The following RTN4RL1 variants were observed in gnomAD, a reference collection of about 807,000 sequenced individuals.
The protein encoded by RTN4RL1 is reticulon-4 receptor-like 1.
In RTN4RL1, 7 loss-of-function variants were observed where a neutral mutation model predicts 25.6. That is an observed-to-expected ratio of 0.27 (90% CI 0.16 to 0.51). The LOEUF (loss-of-function observed/expected upper bound fraction) is 0.51. Among genes scored for constraint, RTN4RL1 ranks in the 20% least tolerant of loss-of-function variants. The pLI, the probability that RTN4RL1 is intolerant of heterozygous loss-of-function variation, is 0.97. For missense variants in RTN4RL1, 500 were observed against 615.6 expected, an observed-to-expected ratio of 0.81 and a Z score of 1.99; for synonymous variants, 297 against 288.2, an observed-to-expected ratio of 1.03 and a Z score of -0.31.
Position 2,007,337 on chromosome 17 carries a change from A to C in RTN4RL1, c.13+17516T>G, listed in dbSNP as rs528314673. 9.1e-4 allele frequency among the ~76,000 whole-genome samples: 128 copies of C among 140,404 alleles called. 2 individuals are homozygous for C. The South Asian group carries it at 0.018, about 20-fold the overall frequency. 92.1% of individuals were successfully genotyped at this position (140,404 alleles called of 152,430 possible). On this transcript the variant is annotated intron_variant, in intron 1 of 1. Transcript: ENST00000331238. ...AGACCTAGGCCATGTTCACAGCCCC[A>C]ACACACACACACACACACACACACA...
chr17:1,974,896 G>T (rs1467712505), intron 1 of RTN4RL1, among the ~76,000 whole-genome samples: 3 of 152,222 alleles, frequency 2.0e-5, no homozygotes, highest in African/African-American at 7.2e-5. Flanking sequence ...AAGGGCAAAT[G>T]GGATGTCCCA....
At chr17:1,971,827 T>C (rs886780353) in intron 1 of RTN4RL1, among the ~76,000 whole-genome samples, 4 of 152,046 alleles carry the variant, frequency 2.6e-5, no homozygotes, top group African/African-American at 9.6e-5. Context: ...CCAGGTGTGG[T>C]GGCGGGCGCC....
rs140956470 is a variant in RTN4RL1, at chr17:1,963,792, T to C, written c.14-25984A>G. ...TGTTGCCCGGGCTGGAGTGCAGTGG[T>C]GCGATCTCGGCTGAGCGCAACCTCC... On this transcript the variant is annotated intron_variant, in intron 1 of 1. Transcript: ENST00000331238. Among the ~76,000 whole-genome samples, 815 of 152,266 alleles carry C rather than the reference T, an allele frequency of 5.4e-3. 1 individual carries two copies. The highest frequency in any genetic ancestry group is 8.2e-3 in the Non-Finnish European group (558 of 68,004).
At chr17:1,964,017 C>T (rs971788380) in intron 1 of RTN4RL1, among the ~76,000 whole-genome samples, 5 of 152,140 alleles carry the variant, frequency 3.3e-5, no homozygotes, top group Non-Finnish European at 5.9e-5. Context: ...TGAGCCACCG[C>T]GCCGGGCCTG....
In RTN4RL1 at chr17:1,937,524, C is replaced by T. The variant is rs778906681; in HGVS notation, c.298G>A (p.Val100Met). Residue 100 changes from valine to methionine, a missense_variant, in exon 2 of 2, where the codon GTG becomes ATG. Transcript: ENST00000331238. ...YIHPSTFEGF[V>M]HLEELDLGDN... ...CCGAGGTCCAGCTCCTCCAGGTGCACGAAGCCCTCGAAGGTGCTGGGGTGG... is the reference window on the plus strand; with the variant it reads ...CCGAGGTCCAGCTCCTCCAGGTGCATGAAGCCCTCGAAGGTGCTGGGGTGG... 1.1e-5 allele frequency: 18 copies of T among 1,613,848 alleles called. 1 individual carries two copies. Among genetic ancestry groups the T allele is most frequent in the Admixed American group, 3.3e-5 (2 of 60,000 alleles).
At chr17:1,937,912 T>A in intron 1 of RTN4RL1, 104 bp from the exon 2 acceptor site, 1 of 932,198 alleles carries the variant, frequency 1.1e-6, no homozygotes, top group South Asian at 1.7e-5. Context: ...TTGGCTGAGC[T>A]CCGTGAGAGC....
intron 1 of RTN4RL1, among the ~76,000 whole-genome samples, chr17:2,002,539 A>T (rs868177801): frequency 1.3e-5 from 2 of 149,482 alleles, no homozygotes; most frequent in Non-Finnish European, 3.0e-5. Context: ...TGATCCGCCC[A>T]CCTCGGCCTC....
intron 1 of RTN4RL1, among the ~76,000 whole-genome samples, chr17:2,002,047 G>C (rs188690049): frequency 6.6e-6 from 1 of 151,536 alleles, no homozygotes; most frequent in African/African-American, 2.4e-5. Flanking sequence ...GATCAGAGGA[G>C]AGACGCAGGG....
intron 1 of RTN4RL1, among the ~76,000 whole-genome samples, chr17:1,965,467 G>T (rs1041403451): frequency 5.3e-5 from 8 of 152,184 alleles, no homozygotes; most frequent in African/African-American, 1.9e-4. Flanking sequence ...TGGCTGCACA[G>T]AGTTGGTCTT....
chr17:2,010,183 G>A (rs1277511096), intron 1 of RTN4RL1, among the ~76,000 whole-genome samples: 2 of 127,958 alleles, frequency 1.6e-5, no homozygotes, highest in African/African-American at 3.0e-5. Context: ...TTAGCCAGGC[G>A]CGGTAGCTCA....
intron 1 of RTN4RL1, among the ~76,000 whole-genome samples, chr17:1,988,922 G>A (rs978065273): frequency 3.9e-5 from 6 of 152,126 alleles, no homozygotes; most frequent in Non-Finnish European, 5.9e-5. Context: ...AGGAGAGGCA[G>A]GGGCCAGATC....
chr17:1,954,850 T>C (rs1217278946), intron 1 of RTN4RL1, among the ~76,000 whole-genome samples: 1 of 152,168 alleles, frequency 6.6e-6, no homozygotes, highest in African/African-American at 2.4e-5. Context: ...GGTGGCCTTA[T>C]TGTGGGTAAA....
intron 1 of RTN4RL1, among the ~76,000 whole-genome samples, chr17:1,961,858 G>A (rs1419147325): frequency 6.7e-6 from 1 of 149,134 alleles, no homozygotes; most frequent in Non-Finnish European, 1.5e-5. Flanking sequence ...TGTGGCAGGA[G>A]AATCGCTCGA....
intron 1 of RTN4RL1, among the ~76,000 whole-genome samples, chr17:1,946,932 G>T (rs771497222): frequency 2.8e-5 from 4 of 144,620 alleles, no homozygotes; most frequent in Non-Finnish European, 6.0e-5. Flanking sequence ...GTGCATCTCT[G>T]TGTGAATGTG....
intron 1 of RTN4RL1, among the ~76,000 whole-genome samples, chr17:1,956,613 T>C (rs1302105258): frequency 6.6e-6 from 1 of 152,150 alleles, no homozygotes; most frequent in Non-Finnish European, 1.5e-5. Context: ...AAGAGTTAGA[T>C]CGTTTCTCAT....
intron 1 of RTN4RL1, 65 bp downstream of exon 1, chr17:2,024,788 G>A (rs909668790): frequency 1.4e-5 from 21 of 1,512,188 alleles, no homozygotes; most frequent in African/African-American, 2.9e-5. Context: ...GCCGGGCGGC[G>A]CCCGGGCTCG....
At chr17:2,004,391 A>T (rs997156814) in intron 1 of RTN4RL1, among the ~76,000 whole-genome samples, 1 of 149,316 alleles carries the variant, frequency 6.7e-6, no homozygotes, top group Admixed American at 6.7e-5. Flanking sequence ...AAAAAAAAAA[A>T]GCAAAAAACA....
At chr17:2,010,932 T>C (rs961965655) in intron 1 of RTN4RL1, among the ~76,000 whole-genome samples, 3 of 152,104 alleles carry the variant, frequency 2.0e-5, no homozygotes, top group Non-Finnish European at 4.4e-5. Flanking sequence ...AAACCAGCAG[T>C]AGGCAGGCAG....
At chr17:2,021,854 CT>C (rs869227846) in intron 1 of RTN4RL1, among the ~76,000 whole-genome samples, 38,276 of 88,334 alleles carry the variant, frequency 0.43, 8,180 homozygotes, top group African/African-American at 0.58. Flanking sequence ...TGTGCCCGGT[CT>C]TTTTTTTTTT....
Sources: gnomAD v4.1 joint callset for allele counts (sites outside exome capture counted in the v4.1 genomes callset) on GRCh38, gnomAD v4.1.1 for gene constraint, MANE v1.5 for transcripts, NCBI Gene and HGNC (gene_info 2026-07-23, HGNC 2026-07-21) for gene names.